The following STRN variants were observed in gnomAD, a reference collection of about 807,000 sequenced individuals.
The protein encoded by STRN is protein phosphatase 2 regulatory subunit B'''alpha.
STRN carries 53 observed loss-of-function variants against 96.3 expected under a neutral mutation model. The observed-to-expected ratio is 0.55, with a 90% CI of 0.44 to 0.69. The LOEUF (loss-of-function observed/expected upper bound fraction) is 0.69. Ranked by LOEUF, STRN falls within the 30% of genes least tolerant of loss-of-function variation. The pLI, the probability that STRN is intolerant of heterozygous loss-of-function variation, is 0.00. For missense variants in STRN, 987 were observed against 963.9 expected, an observed-to-expected ratio of 1.02 and a Z score of -0.32; for synonymous variants, 428 against 355.9, an observed-to-expected ratio of 1.20 and a Z score of -2.28.
chr2:36,905,521 T>C lies in STRN; in HGVS notation c.491+19A>G, dbSNP rs987933478. On this transcript the variant is annotated intron_variant, in intron 4 of 17. Transcript: ENST00000263918. ...TTCTTGTCTTCAGCCATTTATAAGT[T>C]TCACCATGAGACACTTACTGTCTGA... The C allele has an allele frequency of 6.2e-7, 1 of 1,608,926 alleles. No individual in the cohort carries two copies.
chr2:36,898,917 C>T (rs1266373663), intron 6 of STRN, among the ~76,000 whole-genome samples: 1 of 149,280 alleles, frequency 6.7e-6, no homozygotes, highest in African/African-American at 2.5e-5. Context: ...GGGAGAAAAG[C>T]GAAGAGAGAG....
intron 11 of STRN, among the ~76,000 whole-genome samples, chr2:36,868,809 A>G (rs1018278801): frequency 6.6e-6 from 1 of 151,674 alleles, no homozygotes; most frequent in Admixed American, 6.6e-5. Context: ...ATGTTCAGTG[A>G]TGACTCTTAT....
chr2:36,906,949 C>CA (rs1558647532), intron 3 of STRN, among the ~76,000 whole-genome samples: 1 of 151,018 alleles, frequency 6.6e-6, no homozygotes, highest in Admixed American at 6.6e-5. Context: ...CAAAAAAAAA[C>CA]CCTCAAGTAT....
In STRN at chr2:36,848,120, T is replaced by G. The variant is rs1668126755; in HGVS notation, c.*1336A>C. ...TGAACACATGTAGGTGGGTCACAGG[T>G]AAGTTGGGCTGGGGAAGCCTGGCCT... On this transcript the variant is annotated 3_prime_UTR_variant, in exon 18 of 18. Coordinates refer to ENST00000263918, the MANE Select transcript of STRN (RefSeq NM_003162.4). 6.6e-6 allele frequency: 1 copy of G among 152,116 alleles called. No homozygotes were observed. Among genetic ancestry groups the G allele is most frequent in the African/African-American group, 2.4e-5 (1 of 41,414 alleles). 9.4% of individuals were successfully genotyped at this position (152,116 alleles called of 1,614,324 possible). A position where few individuals can be genotyped will look rare whatever the true frequency, so the allele number is the denominator to read the frequency against.
At chr2:36,862,121 T>C (rs1278627070) in intron 12 of STRN, among the ~76,000 whole-genome samples, 1 of 152,220 alleles carries the variant, frequency 6.6e-6, no homozygotes, top group African/African-American at 2.4e-5. Context: ...GGGTGCATAG[T>C]ATTCCACGGT....
chr2:36,899,484 C>A (rs530302141), intron 6 of STRN, 39 bp downstream of exon 6: 2 of 1,575,594 alleles, frequency 1.3e-6, no homozygotes, highest in Non-Finnish European at 1.7e-6. Context: ...GTATTATAGT[C>A]CCTAAAAATA....
intron 3 of STRN, among the ~76,000 whole-genome samples, chr2:36,908,995 C>G (rs1291184744): frequency 1.1e-5 from 1 of 93,254 alleles, no homozygotes; most frequent in South Asian, 3.9e-4. Flanking sequence ...CCCAAACACC[C>G]CAGAAAAAAA....
At position 36,861,164 on chromosome 2, in the gene STRN, G is replaced by C. The variant is rs746840702; in HGVS notation, c.1637C>G (p.Thr546Ser). Reference sequence around the variant, plus strand: ...ATCATAGGGGTCGATGTTGGGATTAGTGGTATTCCAGCCCTGGATCAGTCC... The same window carrying C: ...ATCATAGGGGTCGATGTTGGGATTACTGGTATTCCAGCCCTGGATCAGTCC... ...TDGLIQGWNT[T>S]NPNIDPYDSY... Residue 546 changes from threonine to serine, a missense_variant, in exon 13 of 18, where the codon ACT becomes AGT. Physicochemically the swap from Thr to Ser is moderately conservative, Grantham distance 58 (BLOSUM62 1). Transcript: ENST00000263918. 1.2e-6 allele frequency: 2 copies of C among 1,613,982 alleles called. No individual in the cohort carries two copies. The highest frequency in any genetic ancestry group is 1.7e-6 in the Non-Finnish European group (2 of 1,179,982).
At chr2:36,933,732 G>A (rs1260013182) in intron 1 of STRN, among the ~76,000 whole-genome samples, 1 of 152,164 alleles carries the variant, frequency 6.6e-6, no homozygotes, top group Non-Finnish European at 1.5e-5. Flanking sequence ...AGCCTCTCGA[G>A]GAGCTGGGCC....
intron 10 of STRN, among the ~76,000 whole-genome samples, chr2:36,872,894 C>A (rs1668798699): frequency 6.6e-6 from 1 of 152,102 alleles, no homozygotes. Context: ...AAAAACCAGG[C>A]CAAAATCCAG....
intron 11 of STRN, among the ~76,000 whole-genome samples, chr2:36,869,319 A>T (rs1039706833): frequency 6.6e-6 from 1 of 152,252 alleles, no homozygotes; most frequent in Middle Eastern, 3.2e-3. Flanking sequence ...TAAAGACTGT[A>T]ATCAGTATTC....
intron 1 of STRN, among the ~76,000 whole-genome samples, chr2:36,950,782 A>G (rs1443766316): frequency 6.6e-6 from 1 of 152,208 alleles, no homozygotes; most frequent in Non-Finnish European, 1.5e-5. Context: ...CGGAACTTGC[A>G]TATTTTAGCC....
At chr2:36,923,465 C>A (rs13385868) in intron 2 of STRN, among the ~76,000 whole-genome samples, 3,959 of 131,522 alleles carry the variant, frequency 0.03, 69 homozygotes, top group African/African-American at 0.046. Context: ...AAAAAAAAAA[C>A]AACTCACTAC....
intron 1 of STRN, among the ~76,000 whole-genome samples, chr2:36,942,143 G>C (rs1483153792): frequency 1.3e-5 from 2 of 152,232 alleles, no homozygotes; most frequent in African/African-American, 2.4e-5. Flanking sequence ...CACTGATAAA[G>C]GAGACTTACT....
Position 36,849,739 on chromosome 2 carries a change from G to A in STRN, c.2148C>T (p.Pro716=), listed in dbSNP as rs761040876. The change falls in exon 17 of 18, where the codon CCC becomes CCT. Residue 716 remains proline, a synonymous_variant. Coordinates refer to ENST00000263918, the MANE Select transcript of STRN (RefSeq NM_003162.4). ...TGCCAGACATCAAGTAAAGGCCATT[G>A]GGATCAACTGCTAAACTTGTAACAG... The part of the protein sequence containing the change: ...LEAVTSLAVD[P]NGLYLMSGSH... The A allele has an allele frequency of 3.7e-6, 6 of 1,614,066 alleles. No individual in the cohort carries two copies. The highest frequency in any genetic ancestry group is 1.6e-4 in the Middle Eastern group (1 of 6,062).
chr2:36,868,160 TG>T (rs1395983249), intron 11 of STRN, among the ~76,000 whole-genome samples: 7 of 152,218 alleles, frequency 4.6e-5, no homozygotes, highest in Non-Finnish European at 1.0e-4. Flanking sequence ...GATAAATTTC[TG>T]AACTCAATTT....
chr2:36,895,847 C>A (rs1441725252), intron 6 of STRN, among the ~76,000 whole-genome samples: 1 of 152,052 alleles, frequency 6.6e-6, no homozygotes, highest in Non-Finnish European at 1.5e-5. Flanking sequence ...TGGCGTGAAC[C>A]CAGGAGGCGG....
intron 1 of STRN, among the ~76,000 whole-genome samples, chr2:36,929,211 C>A (rs368547801): frequency 4.6e-5 from 7 of 152,180 alleles, no homozygotes; most frequent in South Asian, 4.1e-4. Flanking sequence ...CTATTTAAGT[C>A]TGCATGACAA....
At position 36,840,134 on chromosome 2, in the gene STRN, C is replaced by G. The variant is rs1444510641; in HGVS notation, c.*9322G>C. On this transcript the variant is annotated 3_prime_UTR_variant, in exon 18 of 18. Transcript: ENST00000263918. Reference sequence around the variant, plus strand: ...GGAGGTTCGTCTTTCTCCTGGACAACAGCAGTCAGTAGGGCCATCTGTAGG... The same window carrying G: ...GGAGGTTCGTCTTTCTCCTGGACAAGAGCAGTCAGTAGGGCCATCTGTAGG... The G allele has an allele frequency of 6.6e-6, 1 of 152,272 alleles. No homozygotes were observed. Among genetic ancestry groups the G allele is most frequent in the African/African-American group, 2.4e-5 (1 of 41,462 alleles). 9.4% of individuals were successfully genotyped at this position (152,272 alleles called of 1,614,324 possible).
Sources: gnomAD v4.1 joint callset for allele counts (sites outside exome capture counted in the v4.1 genomes callset) on GRCh38, gnomAD v4.1.1 for gene constraint, MANE v1.5 for transcripts, NCBI Gene and HGNC (gene_info 2026-07-23, HGNC 2026-07-21) for gene names.